Variants in SLC39A6 observed in about 807,000 individuals in gnomAD.
The protein encoded by SLC39A6 is zinc transporter ZIP6.
SLC39A6 carries 51 observed loss-of-function variants against 63.5 expected under a neutral mutation model. The observed-to-expected ratio is 0.80, with a 90% CI of 0.64 to 1.01. SLC39A6 has a LOEUF of 1.01. Among genes scored for constraint, SLC39A6 ranks in the 50% least tolerant of loss-of-function variants. The pLI is 0.00. For synonymous variants in SLC39A6, 318 were observed against 324.7 expected, an observed-to-expected ratio of 0.98 and a Z score of 0.22; for missense variants, 805 against 927.8, an observed-to-expected ratio of 0.87 and a Z score of 1.72.
In SLC39A6 at chr18:36,123,625, A is replaced by C; in HGVS notation, c.1010T>G (p.Phe337Cys). The C allele has an allele frequency of 6.2e-7, 1 of 1,611,396 alleles. No homozygotes were observed. The highest frequency in any genetic ancestry group is 8.5e-7 in the Non-Finnish European group (1 of 1,179,408). ...TAAGATAACCCCCAGCAGAGACAGG[A>C]AACTGATGATGGAAATGGCTATAAA... ...GGFIAISIIS[F>C]LSLLGVILVP... The change falls in exon 4 of 10, where the codon TTC becomes TGC. Residue 337 changes from phenylalanine to cysteine, a missense_variant. Transcript: ENST00000269187.
chr18:36,126,361 T>C lies in SLC39A6; in HGVS notation c.647A>G (p.Lys216Arg), dbSNP rs1244942062. The part of the protein sequence containing the change: ...ETPRPGKLFP[K>R]DVSSSTPPSV... ...GGGTGGAGTGGAGCTGCTTACATCT[T>C]TGGGGAAGAGTTTTCCAGGTCTTGG... The change falls in exon 2 of 10, where the codon AAA becomes AGA. Residue 216 changes from lysine to arginine, a missense_variant. This residue lies in a region of SLC39A6 where 639 missense variants were observed against 644.0 expected (regional missense o/e 0.99). Coordinates refer to ENST00000269187, the MANE Select transcript of SLC39A6 (RefSeq NM_012319.4). 3.1e-6 allele frequency: 5 copies of C among 1,614,226 alleles called. No individual in the cohort carries two copies. The highest frequency in any genetic ancestry group is 1.7e-5 in the Admixed American group (1 of 60,034).
chr18:36,110,747 G>A (rs991507156), intron 9 of SLC39A6, among the ~76,000 whole-genome samples: 1 of 151,970 alleles, frequency 6.6e-6, no homozygotes. Flanking sequence ...TCACCATGTT[G>A]GCCAGCCTGG....
chr18:36,125,682 CACA>C (rs546329008), intron 2 of SLC39A6, among the ~76,000 whole-genome samples: 71 of 152,060 alleles, frequency 4.7e-4, no homozygotes, highest in Non-Finnish European at 2.4e-4. Context: ...CTAGAAAAAC[CACA>C]TGAACTCAGA....
At chr18:36,116,639 C>T in intron 6 of SLC39A6, 35 bp downstream of exon 6, 1 of 1,378,542 alleles carries the variant, frequency 7.3e-7, no homozygotes, top group Non-Finnish European at 1.0e-6. Context: ...GCAATGAACT[C>T]CCTCCAGCCC....
chr18:36,113,261 ATT>A (rs79594211), intron 7 of SLC39A6, among the ~76,000 whole-genome samples: 2 of 146,100 alleles, frequency 1.4e-5, no homozygotes, highest in African/African-American at 2.5e-5. Context: ...TACCTGGCTA[ATT>A]TTTTTTTTTT....
chr18:36,120,100 A>C (rs1009853517), intron 5 of SLC39A6, among the ~76,000 whole-genome samples: 14 of 152,258 alleles, frequency 9.2e-5, no homozygotes, highest in African/African-American at 3.4e-4. Context: ...GACTTAAAGA[A>C]GTAGGAATAA....
intron 4 of SLC39A6, 38 bp from the exon 5 acceptor site, chr18:36,122,308 G>C: frequency 6.6e-7 from 1 of 1,513,692 alleles, no homozygotes; most frequent in South Asian, 1.2e-5. Context: ...AAATTCATCA[G>C]TTTCACACAC....
At chr18:36,117,892 G>A (rs1228866082) in intron 5 of SLC39A6, among the ~76,000 whole-genome samples, 1 of 152,068 alleles carries the variant, frequency 6.6e-6, no homozygotes, top group East Asian at 1.9e-4. Flanking sequence ...TTAGCCGGGC[G>A]TGTTGGCGGG....
At chr18:36,112,635 T>C (rs988650131) in intron 7 of SLC39A6, 54 bp from the exon 8 acceptor site, 84 of 1,372,360 alleles carry the variant, frequency 6.1e-5, no homozygotes, top group Non-Finnish European at 8.5e-5. Context: ...TGTTTTTTAA[T>C]CTTATCAGTA....
intron 9 of SLC39A6, among the ~76,000 whole-genome samples, chr18:36,110,099 C>A (rs1386864828): frequency 6.6e-6 from 1 of 151,918 alleles, no homozygotes; most frequent in Non-Finnish European, 1.5e-5. Context: ...AGATAGAAAA[C>A]CTTATACTAT....
chr18:36,112,043 A>G (rs758378616), intron 8 of SLC39A6, among the ~76,000 whole-genome samples: 1 of 152,238 alleles, frequency 6.6e-6, no homozygotes, highest in African/African-American at 2.4e-5. Flanking sequence ...GAGGGGCTTC[A>G]TGGGACTTGA....
At chr18:36,116,013 T>C (rs867355394) in intron 6 of SLC39A6, among the ~76,000 whole-genome samples, 7 of 152,170 alleles carry the variant, frequency 4.6e-5, no homozygotes, top group Non-Finnish European at 8.8e-5. Flanking sequence ...AACCTAATCA[T>C]GCAAAAATAC....
At chr18:36,122,029 G>T in intron 5 of SLC39A6, 23 bp downstream of exon 5, 3 of 1,501,358 alleles carry the variant, frequency 2.0e-6, no homozygotes, top group Non-Finnish European at 2.8e-6. Context: ...AGCATAGTAA[G>T]TACTCGGTAT....
At chr18:36,117,694 T>C (rs2089357611) in intron 5 of SLC39A6, among the ~76,000 whole-genome samples, 1 of 152,194 alleles carries the variant, frequency 6.6e-6, no homozygotes, top group African/African-American at 2.4e-5. Context: ...CAAGCTCTAA[T>C]ACCATATCAA....
At chr18:36,117,055 G>A (rs1050093216) in intron 5 of SLC39A6, among the ~76,000 whole-genome samples, 12 of 152,154 alleles carry the variant, frequency 7.9e-5, no homozygotes, top group Non-Finnish European at 1.5e-4. Flanking sequence ...TGGCCAATAC[G>A]GTGAAACTCC....
chr18:36,127,092 T>C, intron 1 of SLC39A6, 76 bp from the exon 2 acceptor site: 1 of 1,270,456 alleles, frequency 7.9e-7, no homozygotes, highest in South Asian at 1.5e-5. Flanking sequence ...TACTGAAAAT[T>C]AATGTGTAAT....
Position 36,126,860 on chromosome 18 carries a change from T to C in SLC39A6, c.148A>G (p.Ile50Val), listed in dbSNP as rs369574534. The change falls in exon 2 of 10, where the codon ATT becomes GTT. Residue 50 changes from isoleucine (I) to valine (V), a missense_variant. This residue lies in a region of SLC39A6 where 639 missense variants were observed against 644.0 expected (regional missense o/e 0.99). Coordinates refer to ENST00000269187, the MANE Select transcript of SLC39A6 (RefSeq NM_012319.4). ...WESGINVDLA[I>V]STRQYHLQQL... ...TGTAGATGATATTGCCGTGTGGAAA[T>C]TGCCAAGTCAACATTAATGCCAGAT... 2 of 1,614,222 alleles carry C rather than the reference T, an allele frequency of 1.2e-6. No individual in the cohort carries two copies. The highest frequency in any genetic ancestry group is 1.3e-5 in the African/African-American group (1 of 75,062).
chr18:36,122,699 T>A (rs953655309), intron 4 of SLC39A6, among the ~76,000 whole-genome samples: 4 of 152,210 alleles, frequency 2.6e-5, no homozygotes, highest in Non-Finnish European at 5.9e-5. Context: ...CCAGGTGCAC[T>A]GCCCTAGCAG....
At chr18:36,116,312 G>A (rs1441098588) in intron 6 of SLC39A6, among the ~76,000 whole-genome samples, 1 of 152,192 alleles carries the variant, frequency 6.6e-6, no homozygotes, top group Non-Finnish European at 1.5e-5. Context: ...GAAAAAAAGT[G>A]TGTGTAGCTG....
Sources: gnomAD v4.1 joint callset for allele counts (sites outside exome capture counted in the v4.1 genomes callset) on GRCh38, gnomAD v4.1.1 for gene constraint, gnomAD v4.1.1 regional missense constraint, MANE v1.5 for transcripts, NCBI Gene and HGNC (gene_info 2026-07-23, HGNC 2026-07-21) for gene names.